The following PTPRD variants were observed in gnomAD, a reference collection of about 807,000 sequenced individuals.
PTPRD encodes the protein protein tyrosine phosphatase receptor type D.
A neutral mutation model predicts 214.5 loss-of-function variants in PTPRD; 34 were observed. That is an observed-to-expected ratio of 0.16 (90% CI 0.12 to 0.21). PTPRD has a LOEUF of 0.21. Ranked by LOEUF, PTPRD falls within the 10% of genes least tolerant of loss-of-function variation. PTPRD has a pLI of 1.00. For synonymous variants in PTPRD, 1,128 were observed against 845.7 expected, an observed-to-expected ratio of 1.33 and a Z score of -5.79; for missense variants, 2,545 against 2,398.7, an observed-to-expected ratio of 1.06 and a Z score of -1.27.
chr9:9,937,597 T>C (rs1006394930), intron 5 of PTPRD, among the ~76,000 whole-genome samples: 5 of 152,152 alleles, frequency 3.3e-5, no homozygotes, highest in Admixed American at 3.3e-4. Context: ...AGAATTGCTA[T>C]GGAGGAGGGA....
At chr9:9,843,499 A>G (rs528167323) in intron 5 of PTPRD, among the ~76,000 whole-genome samples, 2 of 152,000 alleles carry the variant, frequency 1.3e-5, no homozygotes, top group Admixed American at 6.6e-5. Flanking sequence ...AAAATAAATA[A>G]TATCTTATAA....
chr9:10,099,316 G>A (rs576674188), intron 3 of PTPRD, among the ~76,000 whole-genome samples: 25 of 151,492 alleles, frequency 1.7e-4, no homozygotes, highest in African/African-American at 5.8e-4. Context: ...CTGTAAAATC[G>A]GAATAAAATA....
chr9:9,910,850 G>A (rs1395963035), intron 5 of PTPRD, among the ~76,000 whole-genome samples: 1 of 151,966 alleles, frequency 6.6e-6, no homozygotes, highest in Non-Finnish European at 1.5e-5. Flanking sequence ...GAGAAGTTCT[G>A]AGTTTAATCA....
In PTPRD at chr9:9,514,355, T is replaced by A. The variant is rs370136256; in HGVS notation, c.-237+60377A>T. 1.8e-4 allele frequency among the ~76,000 whole-genome samples: 27 copies of A among 152,208 alleles called. No individual in the cohort carries two copies. The East Asian group carries it at 3.3e-3, about 19-fold the overall frequency. ...ATACCTGAATACACAGGGATCTGGA[T>A]AGTTATAGTGGTCCTGGCAACTGTC... On this transcript the variant is annotated intron_variant, in intron 8 of 45. Transcript: ENST00000381196.
intron 11 of PTPRD, among the ~76,000 whole-genome samples, chr9:8,999,510 C>T (rs74770093): frequency 0.11 from 16,431 of 152,084 alleles, 1,163 homozygotes; most frequent in Non-Finnish European, 0.16. Flanking sequence ...TAATAGACTA[C>T]AATAGACTGT....
chr9:9,491,080 A>T (rs2095873387), intron 8 of PTPRD, among the ~76,000 whole-genome samples: 1 of 151,930 alleles, frequency 6.6e-6, no homozygotes, highest in Non-Finnish European at 1.5e-5. Context: ...AGACACAAAC[A>T]AGTTGAAAGT....
chr9:9,415,579 A>T (rs551574668), intron 8 of PTPRD, among the ~76,000 whole-genome samples: 2 of 152,336 alleles, frequency 1.3e-5, no homozygotes, highest in South Asian at 4.1e-4. Context: ...ATCTCACTTC[A>T]TTCCCTTATA....
At chr9:8,833,237 G>A (rs1157159996) in intron 11 of PTPRD, among the ~76,000 whole-genome samples, 3 of 152,066 alleles carry the variant, frequency 2.0e-5, no homozygotes. Context: ...ATATTGGACA[G>A]TATTCTACTA....
At chr9:9,210,481 T>A (rs1161635127) in intron 9 of PTPRD, among the ~76,000 whole-genome samples, 1 of 152,230 alleles carries the variant, frequency 6.6e-6, no homozygotes, top group Non-Finnish European at 1.5e-5. Flanking sequence ...TCCTTTGTTT[T>A]CTTGTTTTCA....
chr9:9,429,938 C>A (rs2082430095), intron 8 of PTPRD, among the ~76,000 whole-genome samples: 1 of 152,140 alleles, frequency 6.6e-6, no homozygotes, highest in Non-Finnish European at 1.5e-5. Flanking sequence ...AACCCACAGC[C>A]AGTATTATAC....
chr9:10,485,751 T>C (rs899741585), intron 2 of PTPRD, among the ~76,000 whole-genome samples: 5 of 152,144 alleles, frequency 3.3e-5, no homozygotes, highest in South Asian at 2.1e-4. Flanking sequence ...TTCTAGTATT[T>C]TTTTTGGTGG....
At chr9:8,504,866 G>GA (rs2097507868) in intron 22 of PTPRD, among the ~76,000 whole-genome samples, 2 of 152,074 alleles carry the variant, frequency 1.3e-5, no homozygotes, top group Admixed American at 1.3e-4. Context: ...TGGAGGCAAA[G>GA]AAAACATGAC....
At chr9:10,102,931 T>TA (rs1461301037) in intron 3 of PTPRD, among the ~76,000 whole-genome samples, 2 of 151,800 alleles carry the variant, frequency 1.3e-5, no homozygotes, top group African/African-American at 4.8e-5. Flanking sequence ...TCATAATAAT[T>TA]ACATTCATTT....
chr9:9,394,608 T>C (rs944691228), intron 9 of PTPRD, among the ~76,000 whole-genome samples: 1 of 152,152 alleles, frequency 6.6e-6, no homozygotes, highest in Non-Finnish European at 1.5e-5. Context: ...CTTATAAATA[T>C]GAAACTCTGA....
At chr9:10,438,318 G>C (rs754334042) in intron 2 of PTPRD, among the ~76,000 whole-genome samples, 34 of 151,506 alleles carry the variant, frequency 2.2e-4, no homozygotes, top group Non-Finnish European at 4.9e-4. Context: ...TATGATTTTT[G>C]GACTTTATGA....
chr9:8,834,623 G>A (rs1427732680), intron 11 of PTPRD, among the ~76,000 whole-genome samples: 1 of 152,098 alleles, frequency 6.6e-6, no homozygotes, highest in Admixed American at 6.6e-5. Context: ...CTCATTTAAT[G>A]TTCACAGCAA....
chr9:8,627,027 T>C (rs957002266), intron 14 of PTPRD, among the ~76,000 whole-genome samples: 6 of 151,760 alleles, frequency 4.0e-5, no homozygotes, highest in Admixed American at 6.6e-5. Flanking sequence ...GCTTCTAGTT[T>C]CTACTCCTCT....
At chr9:8,899,626 G>A (rs1357816860) in intron 11 of PTPRD, among the ~76,000 whole-genome samples, 1 of 152,192 alleles carries the variant, frequency 6.6e-6, no homozygotes, top group African/African-American at 2.4e-5. Flanking sequence ...GAAGGTTGTT[G>A]AGGGTGGTTT....
intron 11 of PTPRD, among the ~76,000 whole-genome samples, chr9:8,961,106 GTTCAGTAA>G: frequency 6.6e-6 from 1 of 151,954 alleles, no homozygotes. Context: ...CATGCATAAG[GTTCAGTAA>G]AATCCAAAGT....
Sources: gnomAD v4.1 joint callset for allele counts (sites outside exome capture counted in the v4.1 genomes callset) on GRCh38, gnomAD v4.1.1 for gene constraint, MANE v1.5 for transcripts, NCBI Gene and HGNC (gene_info 2026-07-23, HGNC 2026-07-21) for gene names.